DYSF: variants seen among roughly 807,000 people sequenced by gnomAD.
The protein encoded by DYSF is dystrophy-associated fer-1-like 1.
DYSF carries 212 observed loss-of-function variants against 274.9 expected under a neutral mutation model. The ratio of observed to expected loss-of-function variants is 0.77; its 90% CI spans 0.69 to 0.86. The LOEUF is 0.86. Among genes scored for constraint, DYSF ranks in the 40% least tolerant of loss-of-function variants. DYSF has a pLI of 0.00. For missense variants in DYSF, 2,666 were observed against 2,783.2 expected (o/e 0.96, Z 0.95); for synonymous variants, 1,091 against 1,078.7 (o/e 1.01, Z -0.22).
chr2:71,664,151 T>C (rs2094953860), intron 45 of DYSF, 117 bp from the exon 46 acceptor site: 1 of 1,328,328 alleles, frequency 7.5e-7, no homozygotes, highest in Admixed American at 1.8e-5. Context: ...GCCTGTAAGA[T>C]CTGTAGGGGG....
intron 33 of DYSF, among the ~76,000 whole-genome samples, chr2:71,599,920 C>G (rs1196796927): frequency 1.3e-5 from 2 of 152,156 alleles, no homozygotes; most frequent in Non-Finnish European, 2.9e-5. Flanking sequence ...GAAGGAAAAG[C>G]TGGTACCATG....
chr2:71,656,066 G>A (rs974081035), intron 42 of DYSF, 96 bp from the exon 43 acceptor site: 6 of 1,461,674 alleles, frequency 4.1e-6, no homozygotes, highest in East Asian at 4.5e-5. Context: ...CTCTCACACT[G>A]TCATGTTTCC....
intron 43 of DYSF, 68 bp from the exon 44 acceptor site, chr2:71,658,810 G>T (rs1388226007): frequency 6.3e-7 from 1 of 1,595,986 alleles, no homozygotes; most frequent in South Asian, 1.1e-5. Context: ...TGAGATTTGG[G>T]TGGGGACACA....
chr2:71,655,743 G>A (rs538190952), intron 42 of DYSF, among the ~76,000 whole-genome samples: 3 of 152,216 alleles, frequency 2.0e-5, no homozygotes, highest in Admixed American at 6.5e-5. Flanking sequence ...ATAAAATGTC[G>A]GTCCACCCTT....
intron 36 of DYSF, chr2:71,610,908 C>T (rs1574335496): frequency 2.6e-6 from 1 of 389,556 alleles, no homozygotes; most frequent in East Asian, 6.2e-5. Flanking sequence ...TGTGTGCACG[C>T]ATATGCTGTG....
intron 3 of DYSF, among the ~76,000 whole-genome samples, chr2:71,493,067 T>C (rs1427237865): frequency 2.0e-5 from 3 of 151,434 alleles, no homozygotes; most frequent in Non-Finnish European, 4.4e-5. Context: ...ATATATTTTT[T>C]TTGTAGAGAC....
rs1034494209 is a variant in DYSF at position 71,615,316 on chromosome 2, C to A, written c.4464+1906C>A. On this transcript the variant is annotated intron_variant, in intron 40 of 55. Transcript: ENST00000410020. This position sits in a 1 kb window ranked among gnomAD's most constrained non-coding sequence, Gnocchi z 4.9. ...AGCACTGGTGGGAGCTGGGATGGGG[C>A]TCCTGGAGGTGTACCCACCTGGGGA... Among the ~76,000 whole-genome samples the A allele has an allele frequency of 6.6e-6, 1 of 152,068 alleles. No individual in the cohort carries two copies. The highest frequency in any genetic ancestry group is 1.5e-5 in the Non-Finnish European group (1 of 68,002).
chr2:71,679,602 G>C (rs2095271197), intron 53 of DYSF, among the ~76,000 whole-genome samples: 1 of 152,120 alleles, frequency 6.6e-6, no homozygotes, highest in Non-Finnish European at 1.5e-5. Flanking sequence ...CCCTCCAAGG[G>C]ACCATCCTTA....
At chr2:71,455,790 C>T (rs1447148307) in intron 1 of DYSF, among the ~76,000 whole-genome samples, 1 of 152,164 alleles carries the variant, frequency 6.6e-6, no homozygotes, top group Non-Finnish European at 1.5e-5. Context: ...GCAGCCCCTG[C>T]TGTCAGGGGC....
chr2:71,539,111 GC>G, intron 16 of DYSF, 45 bp from the exon 17 acceptor site: 2 of 1,564,050 alleles, frequency 1.3e-6, no homozygotes, highest in South Asian at 2.2e-5. Context: ...GCTGTGGCCT[GC>G]AGTTCCTTTC....
chr2:71,490,718 T>C (rs972007137), intron 3 of DYSF, among the ~76,000 whole-genome samples: 1 of 152,254 alleles, frequency 6.6e-6, no homozygotes, highest in African/African-American at 2.4e-5. Context: ...AATGGAATTA[T>C]GCTATATGTA....
At chr2:71,551,778 G>A in intron 19 of DYSF, 58 bp downstream of exon 19, 2 of 1,396,714 alleles carry the variant, frequency 1.4e-6, no homozygotes, top group Non-Finnish European at 2.0e-6. Flanking sequence ...GGATGGCCAG[G>A]CTGGGACTGG....
chr2:71,494,570 C>G (rs1055380401), intron 3 of DYSF, among the ~76,000 whole-genome samples: 5 of 152,196 alleles, frequency 3.3e-5, no homozygotes, highest in African/African-American at 1.2e-4. Context: ...GCACTCCTTC[C>G]ACATGTACCA....
At chr2:71,624,461 G>A (rs757155131) in intron 41 of DYSF, among the ~76,000 whole-genome samples, 3 of 152,170 alleles carry the variant, frequency 2.0e-5, no homozygotes, top group Non-Finnish European at 2.9e-5. Context: ...TCCCTTAAAA[G>A]GCTTTTCAGG....
chr2:71,489,965 T>A (rs550304476), intron 3 of DYSF, among the ~76,000 whole-genome samples: 2 of 152,156 alleles, frequency 1.3e-5, no homozygotes, highest in Non-Finnish European at 2.9e-5. Flanking sequence ...ATATAATGCA[T>A]GTGTGTCAAA....
At chr2:71,621,241 C>G (rs1004276820) in intron 41 of DYSF, among the ~76,000 whole-genome samples, 5 of 152,094 alleles carry the variant, frequency 3.3e-5, no homozygotes, top group African/African-American at 1.2e-4. Context: ...AGCCCCTGAC[C>G]TGTGGAGGGT....
intron 40 of DYSF, among the ~76,000 whole-genome samples, chr2:71,614,273 C>T (rs901830062): frequency 2.0e-5 from 3 of 152,212 alleles, no homozygotes; most frequent in Non-Finnish European, 2.9e-5. Context: ...GGTCATACCC[C>T]TGGCACCCTG....
At chr2:71,457,311 A>G (rs949878411) in intron 1 of DYSF, among the ~76,000 whole-genome samples, 2 of 152,200 alleles carry the variant, frequency 1.3e-5, no homozygotes, top group South Asian at 4.1e-4. Context: ...TTCTACAGAT[A>G]AGGAAACTGA....
chr2:71,592,107 G>A (rs2093282279), intron 32 of DYSF, among the ~76,000 whole-genome samples: 1 of 152,246 alleles, frequency 6.6e-6, no homozygotes, highest in Non-Finnish European at 1.5e-5. Flanking sequence ...GGCGTGAGAG[G>A]TGAGGGTGCC....
Sources: gnomAD v4.1 joint callset for allele counts (sites outside exome capture counted in the v4.1 genomes callset) on GRCh38, gnomAD v4.1.1 for gene constraint, Gnocchi (gnomAD v3.1) non-coding constraint, MANE v1.5 for transcripts, NCBI Gene and HGNC (gene_info 2026-07-23, HGNC 2026-07-21) for gene names.